The following DENND2A variants were observed in gnomAD, a reference collection of about 807,000 sequenced individuals.
DENND2A encodes the protein DENN domain containing 2A, also known as DENN domain-containing protein 2A.
Under a neutral mutation model 105.3 loss-of-function variants are expected in DENND2A, and 53 were observed. The observed-to-expected ratio is 0.50, with a 90% CI of 0.40 to 0.63. The LOEUF (loss-of-function observed/expected upper bound fraction) is 0.63, where lower values mean the gene tolerates loss of function less well. DENND2A is among the 30% of genes least tolerant of loss of function. The pLI is 0.00. For synonymous variants in DENND2A, 522 were observed against 508.4 expected (o/e 1.03, Z -0.36); for missense variants, 1,138 against 1,279.6 (o/e 0.89, Z 1.69).
intron 1 of DENND2A, among the ~76,000 whole-genome samples, chr7:140,637,708 C>G (rs1563193738): frequency 2.0e-5 from 3 of 152,182 alleles, no homozygotes; most frequent in African/African-American, 7.2e-5. Flanking sequence ...GAACTCCCTG[C>G]CTGCTTCCCC....
At chr7:140,611,014 G>C (rs763786191) in intron 1 of DENND2A, among the ~76,000 whole-genome samples, 9 of 152,168 alleles carry the variant, frequency 5.9e-5, no homozygotes, top group Non-Finnish European at 1.0e-4. Context: ...CTGGCCTCTC[G>C]GACCGCTGCT....
intron 8 of DENND2A, among the ~76,000 whole-genome samples, chr7:140,568,180 T>C (rs1211153735): frequency 6.6e-6 from 1 of 152,086 alleles, no homozygotes; most frequent in Non-Finnish European, 1.5e-5. Flanking sequence ...GACCTTGTGA[T>C]CCACCCGCCT....
At chr7:140,609,355 A>T (rs1306227677) in intron 1 of DENND2A, among the ~76,000 whole-genome samples, 3 of 152,174 alleles carry the variant, frequency 2.0e-5, no homozygotes, top group African/African-American at 7.2e-5. Flanking sequence ...TCTACTAAAA[A>T]TACAAAAATT....
At chr7:140,628,936 G>A (rs1426471355) in intron 1 of DENND2A, among the ~76,000 whole-genome samples, 1 of 152,126 alleles carries the variant, frequency 6.6e-6, no homozygotes, top group Non-Finnish European at 1.5e-5. Context: ...TCTTTGAGGT[G>A]CTATTGGGAA....
At chr7:140,563,743 G>A (rs555413901) in intron 9 of DENND2A, among the ~76,000 whole-genome samples, 3 of 148,748 alleles carry the variant, frequency 2.0e-5, no homozygotes, top group African/African-American at 7.5e-5. Context: ...GAAGGCCGAG[G>A]TAGGGAGATC....
Position 140,527,351 on chromosome 7 carries a change from C to A in DENND2A, c.2472G>T (p.Ser824=). Residue 824 remains serine, a synonymous_variant, in exon 15 of 20, where the codon TCG becomes TCT. Coordinates refer to ENST00000496613, the MANE Select transcript of DENND2A (RefSeq NM_015689.5). This position sits in a 1 kb window ranked among gnomAD's most constrained non-coding sequence, Gnocchi z 4.9. ...TPFLIGLLSS[S]LPLLRELPLE... ...GCGGCAGCTCCCTGAGCAGTGGCAGCGAGCTGGAGAGCAGCCCGATGAGGA... is the reference window on the plus strand; with the variant it reads ...GCGGCAGCTCCCTGAGCAGTGGCAGAGAGCTGGAGAGCAGCCCGATGAGGA... 1 of 1,597,514 alleles carries A rather than the reference C, an allele frequency of 6.3e-7. No individual in the cohort carries two copies. The highest frequency in any genetic ancestry group is 8.5e-7 in the Non-Finnish European group (1 of 1,173,928).
At chr7:140,578,195 T>C (rs1798387054) in intron 5 of DENND2A, among the ~76,000 whole-genome samples, 1 of 152,176 alleles carries the variant, frequency 6.6e-6, no homozygotes, top group Admixed American at 6.5e-5. Flanking sequence ...TCTTCAGTTG[T>C]TTCAGGAGAG....
chr7:140,640,153 GCACA>G lies in DENND2A; in HGVS notation c.-248+347_-248+350del, dbSNP rs10547556. The G allele has an allele frequency of 0.066, 10,129 of 152,560 alleles. 1,055 individuals are homozygous for G. The highest frequency in any genetic ancestry group is 0.23 in the African/African-American group (9,411 of 41,344). The allele number at this position is 152,560 out of a possible 1,614,324, so 9.5% of individuals were successfully genotyped here. On this transcript the variant is annotated intron_variant, in intron 1 of 19. Transcript: ENST00000496613. The surrounding 1 kb of genome is among the most constrained non-coding windows in gnomAD (Gnocchi z 4.9). ...CACTCACACACAGACACACAAGCGC[GCACA>G]CACACACACGCGCGCGCGCGGACAC...
At chr7:140,631,595 AG>A (rs1326392150) in intron 1 of DENND2A, among the ~76,000 whole-genome samples, 2 of 152,114 alleles carry the variant, frequency 1.3e-5, no homozygotes, top group African/African-American at 2.4e-5. Context: ...AGTCAGCTGG[AG>A]GGTAAACAGA....
chr7:140,570,188 C>A (rs1216997688), intron 6 of DENND2A, among the ~76,000 whole-genome samples: 1 of 152,184 alleles, frequency 6.6e-6, no homozygotes, highest in Non-Finnish European at 1.5e-5. Flanking sequence ...AGCCACCGCA[C>A]CCAGCCCAGT....
intron 12 of DENND2A, among the ~76,000 whole-genome samples, chr7:140,555,136 T>A (rs1797304475): frequency 6.6e-4 from 1 of 1,512 alleles, no homozygotes; most frequent in African/African-American, 2.1e-3. Flanking sequence ...TCATTAACTC[T>A]TTTTTTTTTT....
intron 15 of DENND2A, among the ~76,000 whole-genome samples, chr7:140,526,784 T>C (rs1340548993): frequency 6.6e-6 from 1 of 152,118 alleles, no homozygotes; most frequent in Non-Finnish European, 1.5e-5. Context: ...AGCAACATTA[T>C]TTAAGCTTCC....
At chr7:140,541,313 G>A (rs906389648) in intron 14 of DENND2A, among the ~76,000 whole-genome samples, 5 of 151,958 alleles carry the variant, frequency 3.3e-5, no homozygotes, top group Admixed American at 6.6e-5. Context: ...GGGGGCCCAC[G>A]GCTCCTCTCC....
intron 13 of DENND2A, among the ~76,000 whole-genome samples, chr7:140,545,488 T>C (rs1323115122): frequency 6.6e-6 from 1 of 152,100 alleles, no homozygotes; most frequent in Non-Finnish European, 1.5e-5. Context: ...GTAGCTGAGA[T>C]TACAGGTGCC....
chr7:140,536,937 A>T (rs1244475629), intron 14 of DENND2A, among the ~76,000 whole-genome samples: 1 of 152,226 alleles, frequency 6.6e-6, no homozygotes, highest in Non-Finnish European at 1.5e-5. Context: ...TGCTGGGGTT[A>T]CAGGCGTGAG....
chr7:140,592,981 G>A (rs2130665443), intron 3 of DENND2A, among the ~76,000 whole-genome samples: 1 of 152,298 alleles, frequency 6.6e-6, no homozygotes, highest in Non-Finnish European at 1.5e-5. Flanking sequence ...TAGGTGATTA[G>A]GCTCCCTGAA....
At chr7:140,540,944 C>G (rs1796635163) in intron 14 of DENND2A, among the ~76,000 whole-genome samples, 1 of 152,088 alleles carries the variant, frequency 6.6e-6, no homozygotes, top group Admixed American at 6.6e-5. Context: ...TCTTGAACTC[C>G]TGATCTCAGG....
At chr7:140,602,666 A>G (rs147942331) in intron 2 of DENND2A, 124 bp from the exon 3 acceptor site, 13 of 288,242 alleles carry the variant, frequency 4.5e-5, no homozygotes, top group African/African-American at 2.9e-4. Context: ...TGAAATTCCT[A>G]TTAAAAAAAA....
intron 19 of DENND2A, 149 bp from the exon 20 acceptor site, chr7:140,518,887 G>T (rs1358429825): frequency 1.6e-5 from 11 of 668,282 alleles, no homozygotes; most frequent in Non-Finnish European, 2.6e-5. Flanking sequence ...AGCCAAAGGG[G>T]CTTTGTTCTT....
Sources: allele counts gnomAD v4.1 joint callset (sites outside exome capture counted in the v4.1 genomes callset), GRCh38; gene constraint gnomAD v4.1.1; non-coding constraint Gnocchi (gnomAD v3.1); transcripts MANE v1.5; gene names NCBI Gene and HGNC (gene_info 2026-07-23, HGNC 2026-07-21).